The following MBTD1 variants were observed in gnomAD, a reference collection of about 807,000 sequenced individuals.
The protein encoded by MBTD1 is mbt domain containing 1.
MBTD1 carries 24 observed loss-of-function variants against 87.8 expected under a neutral mutation model. The ratio of observed to expected loss-of-function variants is 0.27; its 90% CI spans 0.20 to 0.38. The LOEUF is 0.38. Ranked by LOEUF, MBTD1 falls within the 10% of genes least tolerant of loss-of-function variation. The pLI is 1.00. For synonymous variants in MBTD1, 237 were observed against 248.6 expected (o/e 0.95, Z 0.44); for missense variants, 436 against 760.2 (o/e 0.57, Z 5.02).
chr17:51,205,070 T>C (rs1568174521), intron 7 of MBTD1, among the ~76,000 whole-genome samples: 2 of 152,200 alleles, frequency 1.3e-5, no homozygotes, highest in Non-Finnish European at 2.9e-5. Flanking sequence ...CTATAAACTT[T>C]ATGTTGATAA....
chr17:51,247,441 C>CTTTTT (rs58720477), intron 2 of MBTD1, among the ~76,000 whole-genome samples: 3 of 132,044 alleles, frequency 2.3e-5, no homozygotes, highest in African/African-American at 8.9e-5. Context: ...ATCAGTATTA[C>CTTTTT]TTTTTTTTTT....
chr17:51,242,131 G>T (rs1459474903), intron 2 of MBTD1, among the ~76,000 whole-genome samples: 1 of 152,210 alleles, frequency 6.6e-6, no homozygotes, highest in African/African-American at 2.4e-5. Flanking sequence ...AAGAAATAAA[G>T]ATCTAGGTAT....
intron 2 of MBTD1, among the ~76,000 whole-genome samples, chr17:51,247,862 T>C (rs2054541204): frequency 6.6e-6 from 1 of 152,210 alleles, no homozygotes; most frequent in Non-Finnish European, 1.5e-5. Context: ...AGGCCTGGTG[T>C]TTGGTGGGAT....
chr17:51,226,600 C>T (rs1250686541), intron 2 of MBTD1, among the ~76,000 whole-genome samples: 1 of 151,652 alleles, frequency 6.6e-6, no homozygotes, highest in African/African-American at 2.4e-5. Flanking sequence ...ACTTCTAGAC[C>T]AATTTGGAGT....
chr17:51,203,051 T>C, intron 9 of MBTD1, 89 bp downstream of exon 9: 1 of 1,286,126 alleles, frequency 7.8e-7, no homozygotes, highest in East Asian at 2.3e-5. Context: ...GATCATCTGG[T>C]TCACAAAATT....
intron 6 of MBTD1, among the ~76,000 whole-genome samples, chr17:51,211,322 T>G (rs1042413896): frequency 8.6e-5 from 13 of 151,762 alleles, no homozygotes; most frequent in African/African-American, 3.1e-4. Flanking sequence ...CGAAACCCCG[T>G]CTTTACTAAA....
At chr17:51,185,819 T>C (rs1201344961) in intron 16 of MBTD1, 1 of 152,236 alleles carries the variant, frequency 6.6e-6, no homozygotes, top group Non-Finnish European at 1.5e-5. Flanking sequence ...GGAAGTATTT[T>C]ATAACAAAGT....
intron 13 of MBTD1, among the ~76,000 whole-genome samples, chr17:51,194,595 C>G (rs2050986921): frequency 1.5e-5 from 1 of 64,932 alleles, no homozygotes; most frequent in African/African-American, 7.6e-5. Context: ...AAAAAAAAGT[C>G]CACATGGCTA....
intron 7 of MBTD1, 43 bp from the exon 8 acceptor site, chr17:51,203,968 TTAAA>T: frequency 6.7e-7 from 1 of 1,490,870 alleles, no homozygotes; most frequent in Non-Finnish European, 9.2e-7. Flanking sequence ...GAAAATAAAA[TTAAA>T]TAAAACAATA....
At chr17:51,239,607 C>T (rs1252169090) in intron 2 of MBTD1, among the ~76,000 whole-genome samples, 1 of 152,132 alleles carries the variant, frequency 6.6e-6, no homozygotes, top group Non-Finnish European at 1.5e-5. Context: ...GGCAATATTA[C>T]TTTGGGCCAG....
intron 2 of MBTD1, among the ~76,000 whole-genome samples, chr17:51,236,851 C>T (rs1303448348): frequency 2.0e-5 from 3 of 151,142 alleles, no homozygotes; most frequent in Admixed American, 2.0e-4. Flanking sequence ...TTGATCCATA[C>T]CTCACATCAT....
chr17:51,260,516 CGCGAGGGGCCTGGGCGCATGCGCA>C, upstream of MBTD1: 1 of 1,482,920 alleles, frequency 6.7e-7, no homozygotes, highest in African/African-American at 1.4e-5. Context: ...GGCGGCGGCC[CGCGAGGGGCCTGGGCGCATGCGCA>C]GCGAGGTTCC....
intron 10 of MBTD1, 105 bp from the exon 11 acceptor site, chr17:51,202,182 T>C (rs2051529809): frequency 5.6e-6 from 4 of 709,216 alleles, no homozygotes; most frequent in African/African-American, 3.6e-5. Flanking sequence ...CTATAAAACA[T>C]GGCAAGAAGA....
intron 7 of MBTD1, 65 bp downstream of exon 7, chr17:51,206,823 C>CT (rs1598333269): frequency 1.3e-5 from 15 of 1,137,750 alleles, no homozygotes; most frequent in Middle Eastern, 2.2e-4. Context: ...TATAAACATG[C>CT]TTTTTTTACG....
intron 5 of MBTD1, 22 bp from the exon 6 acceptor site, chr17:51,217,438 T>G: frequency 8.7e-7 from 1 of 1,149,150 alleles, no homozygotes; most frequent in East Asian, 2.7e-5. Context: ...CAAATTTAGA[T>G]GTATTATAAT....
At chr17:51,228,480 T>C (rs1598387594) in intron 2 of MBTD1, among the ~76,000 whole-genome samples, 1 of 138,916 alleles carries the variant, frequency 7.2e-6, no homozygotes, top group African/African-American at 2.6e-5. Flanking sequence ...TGTTGCCTCA[T>C]TCAAACCACG....
chr17:51,258,987 G>A (rs2144336746), intron 2 of MBTD1, among the ~76,000 whole-genome samples, 156 bp downstream of exon 2: 1 of 152,240 alleles, frequency 6.6e-6, no homozygotes, highest in East Asian at 1.9e-4. Context: ...AATTTGAGAA[G>A]TAAAAAAAGG....
chr17:51,241,377 T>C (rs1038561203), intron 2 of MBTD1, among the ~76,000 whole-genome samples: 1 of 152,210 alleles, frequency 6.6e-6, no homozygotes, highest in South Asian at 2.1e-4. Flanking sequence ...TTAAAGATAA[T>C]GCAAATATTC....
chr17:51,259,106 T>C (rs2055279632), intron 2 of MBTD1, 37 bp downstream of exon 2: 1 of 429,280 alleles, frequency 2.3e-6, no homozygotes, highest in East Asian at 3.5e-5. Flanking sequence ...GAGCTCTCAG[T>C]GCTTTTAGGG....
Sources: gnomAD v4.1 joint callset for allele counts (sites outside exome capture counted in the v4.1 genomes callset) on GRCh38, gnomAD v4.1.1 for gene constraint, MANE v1.5 for transcripts, NCBI Gene and HGNC (gene_info 2026-07-23, HGNC 2026-07-21) for gene names.